Variants in ATRNL1 observed in about 807,000 individuals in gnomAD.
ATRNL1 encodes attractin like 1.
Under a neutral mutation model 182.7 loss-of-function variants are expected in ATRNL1, and 95 were observed. That is an observed-to-expected ratio of 0.52 (90% CI 0.44 to 0.62). ATRNL1 has a LOEUF of 0.62. ATRNL1 is among the 20% of genes least tolerant of loss of function. The pLI is 0.00. For synonymous variants in ATRNL1, 576 were observed against 568.3 expected (o/e 1.01, Z -0.19); for missense variants, 1,471 against 1,679.5 (o/e 0.88, Z 2.17).
intron 28 of ATRNL1, among the ~76,000 whole-genome samples, chr10:115,855,709 T>C (rs1555101750): frequency 6.6e-6 from 1 of 152,210 alleles, no homozygotes; most frequent in Non-Finnish European, 1.5e-5. Context: ...TTATAATTCA[T>C]GTAGGATGGA....
At chr10:115,796,443 G>A (rs1333501664) in intron 27 of ATRNL1, among the ~76,000 whole-genome samples, 2 of 152,156 alleles carry the variant, frequency 1.3e-5, no homozygotes, top group African/African-American at 4.8e-5. Context: ...GAAGGGGAAG[G>A]GGAAAAGCTC....
chr10:115,094,435 G>A (rs1199974734), intron 1 of ATRNL1, among the ~76,000 whole-genome samples: 1 of 152,190 alleles, frequency 6.6e-6, no homozygotes, highest in Non-Finnish European at 1.5e-5. Flanking sequence ...CATGCGCATT[G>A]TGAAAAATTC....
At chr10:115,868,819 A>ATTTTTTTTTTTTTTTTTTT (rs1555105343) in intron 28 of ATRNL1, among the ~76,000 whole-genome samples, 1 of 98,284 alleles carries the variant, frequency 1.0e-5, no homozygotes, top group East Asian at 2.9e-4. Flanking sequence ...GCAAGTCTTT[A>ATTTTTTTTTTTTTTTTTTT]TTCTTTTTTT....
rs189309497 is a variant in ATRNL1 at position 115,148,834 on chromosome 10, C to T, written c.830-11206C>T. ...ATGCGATCTTGGCTCACTGCAACATCCTCCTCCCAGGTTCAAGTGATTCTC... is the reference window on the plus strand; with the variant it reads ...ATGCGATCTTGGCTCACTGCAACATTCTCCTCCCAGGTTCAAGTGATTCTC... On this transcript the variant is annotated intron_variant, in intron 5 of 28. Coordinates refer to ENST00000355044, the MANE Select transcript of ATRNL1 (RefSeq NM_207303.4). Among the ~76,000 whole-genome samples the T allele has an allele frequency of 2.4e-3, 347 of 147,466 alleles. 2 individuals carry two copies. Among genetic ancestry groups the T allele is most frequent in the Non-Finnish European group, 3.8e-3 (255 of 66,746 alleles).
At position 115,475,800 on chromosome 10, in the gene ATRNL1, ATCT is replaced by A. The variant is rs148952354; in HGVS notation, c.3654+6476_3654+6478del. Among the ~76,000 whole-genome samples the A allele has an allele frequency of 6.8e-4, 103 of 151,304 alleles. No individual in the cohort carries two copies. In the East Asian group the frequency reaches 0.015, roughly 22 times the overall value. On this transcript the variant is annotated intron_variant, in intron 24 of 28. Transcript: ENST00000355044. ...CATTGGTATTTAAGAGAGCTTTTTA[ATCT>A]TCTTATCATTTACCTCACCTTTTTA...
At chr10:115,335,532 G>C (rs1166292540) in intron 19 of ATRNL1, among the ~76,000 whole-genome samples, 1 of 152,214 alleles carries the variant, frequency 6.6e-6, no homozygotes, top group African/African-American at 2.4e-5. Context: ...TCAGAGTTGA[G>C]ACACATGGGG....
At chr10:115,856,131 A>G (rs781864828) in intron 28 of ATRNL1, among the ~76,000 whole-genome samples, 44 of 152,094 alleles carry the variant, frequency 2.9e-4, no homozygotes, top group Non-Finnish European at 1.9e-4. Flanking sequence ...TAGTCATTAA[A>G]ACATACTGTT....
intron 8 of ATRNL1, among the ~76,000 whole-genome samples, chr10:115,203,745 A>ATTTTTTTTTTTTTTTTTTTTTTTTTTTT (rs71476116): frequency 1.9e-5 from 2 of 106,052 alleles, no homozygotes; most frequent in African/African-American, 4.0e-5. Flanking sequence ...ATGCCTGGCT[A>ATTTTTTTTTTTTTTTTTTTTTTTTTTTT]TTTTTTTTTT....
chr10:115,577,021 T>G (rs1406661543), intron 26 of ATRNL1, among the ~76,000 whole-genome samples: 2 of 151,938 alleles, frequency 1.3e-5, no homozygotes, highest in Admixed American at 6.6e-5. Context: ...CTTGGTGGCC[T>G]TGTGGAAAAT....
chr10:115,391,444 G>A (rs1188040495), intron 19 of ATRNL1, among the ~76,000 whole-genome samples: 6 of 152,174 alleles, frequency 3.9e-5, no homozygotes, highest in Non-Finnish European at 8.8e-5. Flanking sequence ...GGACTGTGGG[G>A]TCATGCTTGA....
At chr10:115,693,026 G>A (rs7902445) in intron 26 of ATRNL1, among the ~76,000 whole-genome samples, 2,510 of 152,070 alleles carry the variant, frequency 0.017, 57 homozygotes, top group African/African-American at 0.055. Flanking sequence ...ACTGATATTT[G>A]ACATATTTAT....
chr10:115,645,720 C>T (rs74161623), intron 26 of ATRNL1, among the ~76,000 whole-genome samples: 1,567 of 151,914 alleles, frequency 0.01, 30 homozygotes, highest in African/African-American at 0.036. Context: ...TGAATGTTTA[C>T]TAGTTTTACT....
chr10:115,533,581 GT>G (rs1361295649), intron 25 of ATRNL1, among the ~76,000 whole-genome samples: 74 of 151,894 alleles, frequency 4.9e-4, no homozygotes, highest in African/African-American at 1.7e-3. Context: ...TTTTTGAAGG[GT>G]TTTTTTGTGT....
At chr10:115,725,377 G>T (rs1467075151) in intron 26 of ATRNL1, among the ~76,000 whole-genome samples, 2 of 151,990 alleles carry the variant, frequency 1.3e-5, no homozygotes, top group East Asian at 3.9e-4. Flanking sequence ...TGGAATATTT[G>T]TTGATTTATA....
At chr10:115,170,977 T>C in intron 7 of ATRNL1, 60 bp from the exon 8 acceptor site, 1 of 996,232 alleles carries the variant, frequency 1.0e-6, no homozygotes, top group African/African-American at 1.7e-5. Flanking sequence ...TTATTTTTAA[T>C]TAATATGTGT....
intron 24 of ATRNL1, among the ~76,000 whole-genome samples, chr10:115,483,805 T>C (rs1416705189): frequency 6.6e-6 from 1 of 151,710 alleles, no homozygotes; most frequent in Non-Finnish European, 1.5e-5. Flanking sequence ...TCAATGTTTT[T>C]GATAGAGTCT....
At chr10:115,609,540 G>A (rs781870229) in intron 26 of ATRNL1, among the ~76,000 whole-genome samples, 5 of 152,058 alleles carry the variant, frequency 3.3e-5, no homozygotes, top group Non-Finnish European at 5.9e-5. Flanking sequence ...TTAAAATGGT[G>A]TCAGTCCTTT....
chr10:115,209,808 G>A lies in ATRNL1; in HGVS notation c.1349-5889G>A, dbSNP rs192715458. Among the ~76,000 whole-genome samples the A allele has an allele frequency of 1.8e-3, 270 of 152,000 alleles. 1 individual carries two copies. Among genetic ancestry groups the A allele is most frequent in the Non-Finnish European group, 3.1e-3 (211 of 67,940 alleles). The stretch of plus-strand genomic sequence containing the variant: ...TTAGAGCATATATACATTTCCAAAT[G>A]CAAAACATAAGAAGAATATAATGAG... On this transcript the variant is annotated intron_variant, in intron 8 of 28. Coordinates refer to ENST00000355044, the MANE Select transcript of ATRNL1 (RefSeq NM_207303.4).
At chr10:115,691,235 CACAA>C (rs1555048085) in intron 26 of ATRNL1, among the ~76,000 whole-genome samples, 1 of 152,110 alleles carries the variant, frequency 6.6e-6, no homozygotes, top group Non-Finnish European at 1.5e-5. Flanking sequence ...TTTACATTCC[CACAA>C]ACAATGTACA....
Sources: allele counts gnomAD v4.1 joint callset (sites outside exome capture counted in the v4.1 genomes callset), GRCh38; gene constraint gnomAD v4.1.1; transcripts MANE v1.5; gene names NCBI Gene and HGNC (gene_info 2026-07-23, HGNC 2026-07-21).